Variants in GRM7 observed in about 807,000 individuals in gnomAD.
GRM7 encodes the protein metabotropic glutamate receptor 7.
Under a neutral mutation model 84.5 loss-of-function variants are expected in GRM7, and 35 were observed. That is an observed-to-expected ratio of 0.41 (90% CI 0.32 to 0.55). The LOEUF (loss-of-function observed/expected upper bound fraction) is 0.55, where lower values mean the gene tolerates loss of function less well. Ranked by LOEUF, GRM7 falls within the 20% of genes least tolerant of loss-of-function variation. The pLI is 0.19. For missense variants in GRM7, 1,003 were observed against 1,194.6 expected (o/e 0.84, Z 2.36); for synonymous variants, 487 against 455.1 (o/e 1.07, Z -0.89).
chr3:7,261,902 C>CTCCCTCCCTCCCTCCCTTCCT (rs1553639173), intron 2 of GRM7, among the ~76,000 whole-genome samples: 1 of 82,852 alleles, frequency 1.2e-5, no homozygotes, highest in African/African-American at 5.2e-5. Context: ...CCCTCCCTCC[C>CTCCCTCCCTCCCTCCCTTCCT]TCCCTCCCTC....
chr3:7,327,225 C>T (rs4345059), intron 4 of GRM7, among the ~76,000 whole-genome samples: 1 of 152,070 alleles, frequency 6.6e-6, no homozygotes, highest in South Asian at 2.1e-4. Flanking sequence ...AAAAAATATT[C>T]TTATATTGAG....
intron 1 of GRM7, among the ~76,000 whole-genome samples, chr3:7,003,473 A>G (rs1266939625): frequency 6.6e-6 from 1 of 152,138 alleles, no homozygotes; most frequent in Non-Finnish European, 1.5e-5. Flanking sequence ...CAGCATAATG[A>G]TTTAACATAT....
chr3:7,294,393 A>C (rs2125015357), intron 2 of GRM7, among the ~76,000 whole-genome samples: 1 of 152,190 alleles, frequency 6.6e-6, no homozygotes, highest in East Asian at 1.9e-4. Flanking sequence ...TCATCCCTCT[A>C]TCCTCCATAA....
intron 1 of GRM7, among the ~76,000 whole-genome samples, chr3:7,103,816 T>TTCTTTCTTTCTTTCTCTCTC (rs1553617438): frequency 2.7e-3 from 242 of 89,036 alleles, no homozygotes; most frequent in African/African-American, 5.8e-3. Context: ...CTTTCTTTCT[T>TTCTTTCTTTCTTTCTCTCTC]TCTCTCTCTC....
intron 5 of GRM7, among the ~76,000 whole-genome samples, chr3:7,434,248 A>C (rs1367244393): frequency 3.3e-5 from 5 of 152,188 alleles, no homozygotes; most frequent in African/African-American, 1.2e-4. Context: ...ATAGATGATC[A>C]CATCATCTGA....
chr3:7,027,024 C>A (rs1696008335), intron 1 of GRM7, among the ~76,000 whole-genome samples: 1 of 152,230 alleles, frequency 6.6e-6, no homozygotes, highest in Non-Finnish European at 1.5e-5. Context: ...ATGCCCTCCC[C>A]ATTGTGTTCT....
intron 1 of GRM7, among the ~76,000 whole-genome samples, chr3:7,084,388 A>G (rs1318613724): frequency 6.6e-6 from 1 of 152,126 alleles, no homozygotes; most frequent in African/African-American, 2.4e-5. Flanking sequence ...GAAAGTTCTG[A>G]TGCTGATCAA....
chr3:7,265,094 G>T (rs569886733), intron 2 of GRM7, among the ~76,000 whole-genome samples: 12 of 152,326 alleles, frequency 7.9e-5, no homozygotes, highest in African/African-American at 2.9e-4. Flanking sequence ...CTAGATTTTT[G>T]TAATTTCTTC....
At chr3:7,550,575 C>CTGTGTGTG (rs1162246895) in intron 7 of GRM7, among the ~76,000 whole-genome samples, 1 of 40,648 alleles carries the variant, frequency 2.5e-5, no homozygotes, top group South Asian at 8.5e-4. Context: ...CTCTCTCTCT[C>CTGTGTGTG]TCTGTGTGTG....
chr3:7,740,302 T>G (rs2106533636), intron 9 of GRM7, 55 bp from the exon 10 acceptor site: 1 of 1,137,754 alleles, frequency 8.8e-7, no homozygotes, highest in Non-Finnish European at 1.3e-6. Context: ...ATTCTATTTC[T>G]ACCTTTGCAA....
chr3:7,430,450 A>G (rs553872371), intron 5 of GRM7, among the ~76,000 whole-genome samples: 2 of 152,356 alleles, frequency 1.3e-5, no homozygotes, highest in Admixed American at 1.3e-4. Context: ...CAGACATAAA[A>G]TGAAAAATAT....
At chr3:7,326,278 G>C (rs541425688) in intron 4 of GRM7, among the ~76,000 whole-genome samples, 14 of 123,102 alleles carry the variant, frequency 1.1e-4, no homozygotes, top group African/African-American at 4.3e-4. Flanking sequence ...TATTGAATAG[G>C]TGTCTCACTT....
intron 4 of GRM7, among the ~76,000 whole-genome samples, chr3:7,335,295 A>G (rs1287683272): frequency 6.6e-6 from 1 of 152,140 alleles, no homozygotes; most frequent in Non-Finnish European, 1.5e-5. Flanking sequence ...AAATTAAGTA[A>G]TCTGCTCCTG....
chr3:7,646,148 C>T (rs1211649605), intron 8 of GRM7, among the ~76,000 whole-genome samples: 2 of 152,128 alleles, frequency 1.3e-5, no homozygotes, highest in African/African-American at 4.8e-5. Flanking sequence ...TTCCCTTCTT[C>T]TAATGTGTTT....
At chr3:7,326,194 A>T (rs544037611) in intron 4 of GRM7, among the ~76,000 whole-genome samples, 3 of 151,900 alleles carry the variant, frequency 2.0e-5, no homozygotes, top group Non-Finnish European at 2.9e-5. Flanking sequence ...AAAAAAACAC[A>T]TTATTTTGAG....
At chr3:7,452,852 C>A in intron 6 of GRM7, 45 bp downstream of exon 6, 1 of 1,161,212 alleles carries the variant, frequency 8.6e-7, no homozygotes, top group Non-Finnish European at 1.3e-6. Context: ...TAAGTGTTGG[C>A]ATTCTGTTTC....
chr3:7,214,938 A>G (rs1696551466), intron 2 of GRM7, among the ~76,000 whole-genome samples: 1 of 152,240 alleles, frequency 6.6e-6, no homozygotes, highest in Admixed American at 6.5e-5. Flanking sequence ...AGAAAGACCT[A>G]AAAACCTCAT....
intron 2 of GRM7, among the ~76,000 whole-genome samples, chr3:7,210,637 A>G (rs1696390623): frequency 1.3e-5 from 2 of 152,198 alleles, no homozygotes; most frequent in Admixed American, 1.3e-4. Flanking sequence ...AGAAATATAT[A>G]AAACAAAATA....
At chr3:6,960,653 A>T (rs994961076) in intron 1 of GRM7, among the ~76,000 whole-genome samples, 1 of 152,184 alleles carries the variant, frequency 6.6e-6, no homozygotes, top group African/African-American at 2.4e-5. Context: ...TCCCTGGAAC[A>T]TGCAGTCTGT....
Sources: allele counts gnomAD v4.1 joint callset (sites outside exome capture counted in the v4.1 genomes callset), GRCh38; gene constraint gnomAD v4.1.1; transcripts MANE v1.5; gene names NCBI Gene and HGNC (gene_info 2026-07-23, HGNC 2026-07-21).